ADGRB3: variants seen among roughly 807,000 people sequenced by gnomAD.
ADGRB3 encodes brain-specific angiogenesis inhibitor 3.
A neutral mutation model predicts 193.4 loss-of-function variants in ADGRB3; 37 were observed. The observed-to-expected ratio is 0.19, with a 90% CI of 0.15 to 0.25. ADGRB3 has a LOEUF of 0.25. ADGRB3 is among the 10% of genes least tolerant of loss of function. ADGRB3 has a pLI of 1.00. For synonymous variants in ADGRB3, 690 were observed against 644.2 expected (o/e 1.07, Z -1.08); for missense variants, 1,637 against 1,852.9 (o/e 0.88, Z 2.14).
intron 3 of ADGRB3, among the ~76,000 whole-genome samples, chr6:68,830,450 A>T (rs976046924): frequency 5.3e-5 from 8 of 152,146 alleles, no homozygotes; most frequent in Non-Finnish European, 1.0e-4. Flanking sequence ...TTTCTTCTAT[A>T]TATTATTTGC....
chr6:69,250,290 A>G (rs1219326303), intron 20 of ADGRB3, among the ~76,000 whole-genome samples: 1 of 149,998 alleles, frequency 6.7e-6, no homozygotes, highest in Non-Finnish European at 1.5e-5. Context: ...CTTTTACAAA[A>G]TACAAATTAG....
intron 3 of ADGRB3, among the ~76,000 whole-genome samples, chr6:68,898,019 G>T (rs898418443): frequency 2.7e-5 from 4 of 148,220 alleles, no homozygotes; most frequent in Non-Finnish European, 5.9e-5. Context: ...TATATATAGA[G>T]AGAGAGGGAG....
intron 20 of ADGRB3, among the ~76,000 whole-genome samples, chr6:69,250,626 G>A (rs1187831364): frequency 2.0e-5 from 3 of 152,178 alleles, no homozygotes; most frequent in Non-Finnish European, 4.4e-5. Context: ...ATGAAGATGT[G>A]TCGGAGCCAC....
chr6:68,975,237 C>G lies in ADGRB3; in HGVS notation c.1631C>G (p.Thr544Ser). The G allele has an allele frequency of 6.2e-7, 1 of 1,613,622 alleles. No individual in the cohort carries two copies. The highest frequency in any genetic ancestry group is 8.5e-7 in the Non-Finnish European group (1 of 1,179,634). The change falls in exon 10 of 32, where the codon ACC becomes AGC. Residue 544 changes from threonine (T) to serine (S), a missense_variant. Thr to Ser is a moderately conservative substitution (Grantham distance 58, BLOSUM62 1). Around this residue, in one of 7 missense-constraint regions of ADGRB3, gnomAD observed 641 missense variants for 673.9 expected, o/e 0.95. Transcript: ENST00000370598. ...FNQCPLNATG[T>S]TSRRCSLSLH... ...CTCTGTTCTTTGTGACACACAGGCA[C>G]CACTAGCAGACGCTGCTCTCTCAGT...
intron 29 of ADGRB3, among the ~76,000 whole-genome samples, chr6:69,364,324 G>A (rs72915031): frequency 0.021 from 3,145 of 152,050 alleles, 50 homozygotes; most frequent in Non-Finnish European, 0.03. Context: ...AAAAAAGAAA[G>A]CCAAAAAGAG....
At chr6:68,736,001 T>A (rs549457669) in intron 3 of ADGRB3, among the ~76,000 whole-genome samples, 6 of 152,176 alleles carry the variant, frequency 3.9e-5, no homozygotes, top group African/African-American at 1.4e-4. Flanking sequence ...TTTCAGGAAG[T>A]TAGAAAATAT....
chr6:69,219,831 T>C (rs1279868273), intron 17 of ADGRB3, among the ~76,000 whole-genome samples: 2 of 151,980 alleles, frequency 1.3e-5, no homozygotes, highest in Non-Finnish European at 2.9e-5. Flanking sequence ...TTACATCCTT[T>C]ACCTTAAATA....
At chr6:69,144,828 T>G (rs1055115494) in intron 17 of ADGRB3, among the ~76,000 whole-genome samples, 1 of 151,912 alleles carries the variant, frequency 6.6e-6, no homozygotes, top group African/African-American at 2.4e-5. Context: ...TGTTGAGGAT[T>G]TTTGCATCAA....
chr6:69,255,260 C>T, intron 20 of ADGRB3, among the ~76,000 whole-genome samples: 1 of 152,100 alleles, frequency 6.6e-6, no homozygotes, highest in Non-Finnish European at 1.5e-5. Flanking sequence ...ATTTCTAGTT[C>T]TAGATCCCTG....
At chr6:69,312,590 G>A (rs374016105) in intron 20 of ADGRB3, among the ~76,000 whole-genome samples, 1 of 151,556 alleles carries the variant, frequency 6.6e-6, no homozygotes, top group East Asian at 2.0e-4. Flanking sequence ...AAAAAAGGAG[G>A]CATTTTTCTC....
chr6:69,349,717 G>T (rs1005536500), intron 26 of ADGRB3, among the ~76,000 whole-genome samples: 9 of 152,086 alleles, frequency 5.9e-5, no homozygotes, highest in African/African-American at 1.7e-4. Flanking sequence ...TCCCCCGAAG[G>T]AAAAATTACA....
At chr6:69,239,266 T>C in intron 20 of ADGRB3, 40 bp downstream of exon 20, 1 of 1,339,862 alleles carries the variant, frequency 7.5e-7, no homozygotes, top group East Asian at 2.3e-5. Context: ...TTTGTGTTTA[T>C]ATTTTGGCAT....
intron 17 of ADGRB3, among the ~76,000 whole-genome samples, chr6:69,149,446 C>G (rs1774604144): frequency 6.6e-6 from 1 of 151,950 alleles, no homozygotes; most frequent in Admixed American, 6.6e-5. Context: ...AACTCCTTCT[C>G]TGTGTTATCT....
chr6:69,023,355 G>C (rs987654651), intron 13 of ADGRB3, among the ~76,000 whole-genome samples: 3 of 152,060 alleles, frequency 2.0e-5, no homozygotes, highest in African/African-American at 7.2e-5. Flanking sequence ...TTCTGTATAA[G>C]GATCAAGAAA....
chr6:69,366,977 C>G (rs932529261), intron 29 of ADGRB3, among the ~76,000 whole-genome samples: 1 of 152,002 alleles, frequency 6.6e-6, no homozygotes, highest in Non-Finnish European at 1.5e-5. Context: ...ACCATTAAAC[C>G]AATGAATGAA....
At chr6:69,040,354 T>C (rs867623614) in intron 13 of ADGRB3, among the ~76,000 whole-genome samples, 4,772 of 63,004 alleles carry the variant, frequency 0.076, 151 homozygotes, top group South Asian at 0.16. Context: ...TCTTTCTTTC[T>C]TTCTTTCTTT....
chr6:68,952,023 T>C (rs114735571), intron 6 of ADGRB3, among the ~76,000 whole-genome samples: 3,672 of 152,242 alleles, frequency 0.024, 128 homozygotes, highest in African/African-American at 0.079. Flanking sequence ...ATATATAATA[T>C]GATAAATTGT....
intron 3 of ADGRB3, among the ~76,000 whole-genome samples, chr6:68,768,295 A>T (rs1262204218): frequency 6.6e-6 from 1 of 152,186 alleles, no homozygotes; most frequent in African/African-American, 2.4e-5. Flanking sequence ...AAACTATACT[A>T]TAAGACAACA....
At chr6:68,865,353 G>A (rs952570442) in intron 3 of ADGRB3, among the ~76,000 whole-genome samples, 1 of 151,954 alleles carries the variant, frequency 6.6e-6, no homozygotes, top group Non-Finnish European at 1.5e-5. Context: ...CTTATCCAAG[G>A]CTGAGGGATC....
Sources: gnomAD v4.1 joint callset for allele counts (sites outside exome capture counted in the v4.1 genomes callset) on GRCh38, gnomAD v4.1.1 for gene constraint, gnomAD v4.1.1 regional missense constraint, MANE v1.5 for transcripts, NCBI Gene and HGNC (gene_info 2026-07-23, HGNC 2026-07-21) for gene names.